SCN10A: variants seen among roughly 807,000 people sequenced by gnomAD.
SCN10A encodes the protein sodium channel protein type 10 subunit alpha.
Under a neutral mutation model 170.7 loss-of-function variants are expected in SCN10A, and 162 were observed. That is an observed-to-expected ratio of 0.95 (90% CI 0.84 to 1.08). The LOEUF is 1.08. Among genes scored for constraint, SCN10A ranks in the 50% least tolerant of loss-of-function variants. The pLI, the probability that SCN10A is intolerant of heterozygous loss-of-function variation, is 0.00. For synonymous variants in SCN10A, 985 were observed against 904.6 expected (o/e 1.09, Z -1.59); for missense variants, 2,527 against 2,436.9 (o/e 1.04, Z -0.78).
At chr3:38,739,242 T>C (rs530663455) in intron 15 of SCN10A, among the ~76,000 whole-genome samples, 1 of 152,296 alleles carries the variant, frequency 6.6e-6, no homozygotes, top group Admixed American at 6.5e-5. Context: ...GCTGTTATTG[T>C]TATTTGATAA....
rs146347267 is a variant in SCN10A at position 38,768,699 on chromosome 3, G to A, written c.599+2580C>T. On this transcript the variant is annotated intron_variant, in intron 5 of 27. Coordinates refer to ENST00000449082, the MANE Select transcript of SCN10A (RefSeq NM_006514.4). ...CTCTTAAGATTCTTTTCTTTGTCTT[G>A]ACTTTAGATAACCTGATGTCTATTT... Among the ~76,000 whole-genome samples the A allele has an allele frequency of 4.0e-3, 608 of 152,138 alleles. 3 individuals carry two copies. The highest frequency in any genetic ancestry group is 0.014 in the African/African-American group (577 of 41,508).
intron 22 of SCN10A, 133 bp downstream of exon 22, chr3:38,713,825 G>A (rs1193560630): frequency 1.3e-5 from 13 of 1,000,260 alleles, no homozygotes; most frequent in East Asian, 1.3e-4. Flanking sequence ...ACAGGGTTTC[G>A]GCATGTTGGC....
chr3:38,697,914 T>G lies in SCN10A; in HGVS notation c.5306A>C (p.Asp1769Ala), dbSNP rs377121469. ...ITFSALSDFADTLSGPLRIPK... is the reference protein window; with the variant it reads ...ITFSALSDFAATLSGPLRIPK... ...GATTCTCAGGGGACCAGAGAGAGTGTCTGCAAAGTCCGAGAGAGCAGAAAA... is the reference window on the plus strand; with the variant it reads ...GATTCTCAGGGGACCAGAGAGAGTGGCTGCAAAGTCCGAGAGAGCAGAAAA... Residue 1769 changes from aspartate to alanine, a missense_variant, in exon 28 of 28, where the codon GAC becomes GCC. Coordinates refer to ENST00000449082, the MANE Select transcript of SCN10A (RefSeq NM_006514.4). 5.9e-5 allele frequency: 95 copies of G among 1,613,950 alleles called. No individual in the cohort carries two copies. Among genetic ancestry groups the G allele is most frequent in the Non-Finnish European group, 7.8e-5 (92 of 1,180,024 alleles).
At position 38,750,907 on chromosome 3, in the gene SCN10A, G is replaced by A. The variant is rs554859167; in HGVS notation, c.1756-723C>T. Among the ~76,000 whole-genome samples, 161 of 152,332 alleles carry A rather than the reference G, an allele frequency of 1.1e-3. 1 individual carries two copies. Among genetic ancestry groups the A allele is most frequent in the Middle Eastern group, 6.8e-3 (2 of 294 alleles). On this transcript the variant is annotated intron_variant, in intron 12 of 27. Coordinates refer to ENST00000449082, the MANE Select transcript of SCN10A (RefSeq NM_006514.4). ...GTGAGGCATTTTCTAGAGTGCTAAT[G>A]CACTCCCAGCGAGCCCTGCAGGATG...
chr3:38,746,059 A>ATGTGTGTATATATATATGTGTG (rs1171627666), intron 13 of SCN10A, among the ~76,000 whole-genome samples: 757 of 65,840 alleles, frequency 0.011, 31 homozygotes, highest in Non-Finnish European at 0.014. Context: ...ATGTGTGTGT[A>ATGTGTGTATATATATATGTGTG]TGTGTATATA....
In SCN10A at chr3:38,719,015, C is replaced by A. The variant is rs6805187; in HGVS notation, c.3508-189G>T. 0.43 allele frequency among the ~76,000 whole-genome samples: 64,707 copies of A among 152,052 alleles called. 14,845 individuals are homozygous for A. The highest frequency in any genetic ancestry group is 0.71 in the East Asian group (3,671 of 5,168). ...GATAGTGGAGGAGGTACTGTGAGAT[C>A]CAAAGCATGACTTCTTCAGGGCCAA... On this transcript the variant is annotated intron_variant, in intron 20 of 27. Transcript: ENST00000449082.
rs796831631 is a variant in SCN10A at position 38,763,435 on chromosome 3, G to A, written c.691+70C>T. 6.6e-5 allele frequency: 79 copies of A among 1,205,968 alleles called. 1 individual carries two copies. The South Asian group carries it at 7.7e-4, about 12-fold the overall frequency. The allele number at this position is 1,205,968 out of a possible 1,614,324, so 74.7% of individuals were successfully genotyped here. A position where few individuals can be genotyped will look rare whatever the true frequency, so the allele number is the denominator to read the frequency against. On this transcript the variant is annotated intron_variant, in intron 6 of 27. Coordinates refer to ENST00000449082, the MANE Select transcript of SCN10A (RefSeq NM_006514.4). Reference sequence around the variant, plus strand: ...AGTCTTTGCCCTGGAACCTTACAGGGTTCTTGTGAAAATTAGAGAAGGGAG... The same window carrying A: ...AGTCTTTGCCCTGGAACCTTACAGGATTCTTGTGAAAATTAGAGAAGGGAG...
intron 5 of SCN10A, 107 bp downstream of exon 5, chr3:38,771,172 G>A: frequency 8.1e-7 from 1 of 1,235,918 alleles, no homozygotes; most frequent in Admixed American, 2.0e-5. Flanking sequence ...CATGGTGTGA[G>A]TCTCCACACT....
chr3:38,752,598 A>G, intron 11 of SCN10A, 86 bp from the exon 12 acceptor site: 4 of 1,113,408 alleles, frequency 3.6e-6, no homozygotes, highest in Non-Finnish European at 4.9e-6. Flanking sequence ...ACCTACTCCC[A>G]TTTCCCTGCC....
chr3:38,715,760 A>G (rs1018628228), intron 21 of SCN10A, among the ~76,000 whole-genome samples: 2 of 152,224 alleles, frequency 1.3e-5, no homozygotes, highest in African/African-American at 4.8e-5. Flanking sequence ...GCAGTGCTCA[A>G]CACATTCACC....
At chr3:38,706,888 T>C (rs1326195187) in intron 26 of SCN10A, among the ~76,000 whole-genome samples, 1 of 152,066 alleles carries the variant, frequency 6.6e-6, no homozygotes, top group African/African-American at 2.4e-5. Context: ...GGGTAGAATA[T>C]AGGGTGATAC....
chr3:38,729,441 A>G (rs935562783), intron 15 of SCN10A, among the ~76,000 whole-genome samples: 5 of 151,972 alleles, frequency 3.3e-5, no homozygotes, highest in African/African-American at 1.2e-4. Context: ...GATTTCATGG[A>G]CTCAGCATTC....
intron 4 of SCN10A, among the ~76,000 whole-genome samples, chr3:38,785,343 C>T (rs2064186510): frequency 6.6e-6 from 1 of 152,186 alleles, no homozygotes; most frequent in Admixed American, 6.6e-5. Flanking sequence ...CTACAACCAT[C>T]TGATCTTTGA....
intron 26 of SCN10A, among the ~76,000 whole-genome samples, chr3:38,702,452 A>T (rs576560375): frequency 1.3e-3 from 193 of 152,314 alleles, no homozygotes; most frequent in Non-Finnish European, 2.1e-3. Context: ...TACTGCATGG[A>T]GTGTCCCTTA....
intron 3 of SCN10A, among the ~76,000 whole-genome samples, chr3:38,790,154 T>A (rs994145711): frequency 1.1e-4 from 17 of 152,146 alleles, no homozygotes; most frequent in African/African-American, 4.1e-4. Context: ...AATCCAAGGA[T>A]TAAACTAAAA....
intron 20 of SCN10A, among the ~76,000 whole-genome samples, chr3:38,721,515 G>T (rs931985279): frequency 6.6e-6 from 1 of 152,228 alleles, no homozygotes; most frequent in Non-Finnish European, 1.5e-5. Flanking sequence ...CCACAGTACA[G>T]AGAGAACCTT....
At chr3:38,747,056 T>C (rs2063698216) in intron 13 of SCN10A, among the ~76,000 whole-genome samples, 1 of 152,188 alleles carries the variant, frequency 6.6e-6, no homozygotes, top group South Asian at 2.1e-4. Flanking sequence ...GTGTAATGAA[T>C]ATAACATCCA....
chr3:38,798,936 G>C (rs1184117295), intron 1 of SCN10A, among the ~76,000 whole-genome samples: 1 of 151,782 alleles, frequency 6.6e-6, no homozygotes, highest in Admixed American at 6.6e-5. Flanking sequence ...CTACAGGTAT[G>C]TGCCACCACG....
At chr3:38,737,838 C>CT (rs549093627) in intron 15 of SCN10A, among the ~76,000 whole-genome samples, 218 of 41,848 alleles carry the variant, frequency 5.2e-3, no homozygotes, top group African/African-American at 0.035. Context: ...CTTTCTCTTT[C>CT]TTCTTTCTTT....
Sources: allele counts gnomAD v4.1 joint callset (sites outside exome capture counted in the v4.1 genomes callset), GRCh38; gene constraint gnomAD v4.1.1; transcripts MANE v1.5; gene names NCBI Gene and HGNC (gene_info 2026-07-23, HGNC 2026-07-21).